The following DPP10 variants were observed in gnomAD, a reference collection of about 807,000 sequenced individuals.
DPP10 encodes dipeptidyl peptidase like 10, also known as inactive dipeptidyl peptidase 10.
A neutral mutation model predicts 120.9 loss-of-function variants in DPP10; 33 were observed. The observed-to-expected ratio is 0.27, with a 90% CI of 0.21 to 0.37. The LOEUF (loss-of-function observed/expected upper bound fraction) is 0.37. Among genes scored for constraint, DPP10 ranks in the 10% least tolerant of loss-of-function variants. The pLI is 1.00. For missense variants in DPP10, 816 were observed against 942.8 expected (o/e 0.87, Z 1.76); for synonymous variants, 337 against 326.1 (o/e 1.03, Z -0.36).
At chr2:115,815,792 A>G in intron 21 of DPP10, 63 bp downstream of exon 21, 1 of 1,486,994 alleles carries the variant, frequency 6.7e-7, no homozygotes, top group East Asian at 2.3e-5. Flanking sequence ...ATATCCTATT[A>G]CACATTCACA....
chr2:115,232,860 G>C (rs2057805030), intron 1 of DPP10, among the ~76,000 whole-genome samples: 1 of 152,106 alleles, frequency 6.6e-6, no homozygotes. Flanking sequence ...TTCTGTGTAT[G>C]TTATTATTAT....
chr2:114,996,421 C>T (rs904528009), intron 1 of DPP10, among the ~76,000 whole-genome samples: 38 of 152,108 alleles, frequency 2.5e-4, no homozygotes, highest in African/African-American at 9.2e-4. Context: ...CAAATACTAA[C>T]CCAGACATTT....
At chr2:115,660,745 G>C (rs949891983) in intron 5 of DPP10, among the ~76,000 whole-genome samples, 8 of 117,194 alleles carry the variant, frequency 6.8e-5, no homozygotes, top group Non-Finnish European at 1.2e-4. Context: ...GTTTTGCTTT[G>C]CTCTGATCAT....
chr2:115,282,604 C>T (rs933443778), intron 1 of DPP10, among the ~76,000 whole-genome samples: 1 of 152,058 alleles, frequency 6.6e-6, no homozygotes, highest in African/African-American at 2.4e-5. Flanking sequence ...AGCAGTTTTG[C>T]TCCTCAGAGG....
chr2:115,803,510 C>G (rs1433662362), intron 19 of DPP10, among the ~76,000 whole-genome samples: 2 of 152,160 alleles, frequency 1.3e-5, no homozygotes, highest in Non-Finnish European at 2.9e-5. Context: ...TTAGTTGATG[C>G]AGTTTCTTCC....
chr2:115,732,853 C>T (rs2092944320), intron 8 of DPP10, among the ~76,000 whole-genome samples: 1 of 152,084 alleles, frequency 6.6e-6, no homozygotes, highest in African/African-American at 2.4e-5. Context: ...GCAAATATAC[C>T]TGCCAGGCAT....
chr2:115,833,562 A>G (rs1689145513), intron 21 of DPP10, among the ~76,000 whole-genome samples: 4 of 152,196 alleles, frequency 2.6e-5, no homozygotes, highest in African/African-American at 9.6e-5. Context: ...GAAATTTGAA[A>G]TGCTCCAAAT....
At chr2:114,558,382 G>C (rs907189821) in intron 1 of DPP10, among the ~76,000 whole-genome samples, 2 of 152,140 alleles carry the variant, frequency 1.3e-5, no homozygotes, top group African/African-American at 4.8e-5. Flanking sequence ...CAGTGCCTTT[G>C]CACTTTCTGC....
chr2:114,587,972 C>T (rs951903678), intron 1 of DPP10, among the ~76,000 whole-genome samples: 2 of 152,296 alleles, frequency 1.3e-5, no homozygotes, highest in Non-Finnish European at 2.9e-5. Flanking sequence ...CAAAATGAAG[C>T]AACATTTACT....
At position 115,592,661 on chromosome 2, in the gene DPP10, C is replaced by G. The variant is rs1417554788; in HGVS notation, c.441+66689C>G. The stretch of plus-strand genomic sequence containing the variant: ...GTCCCAGCTACTAGCGAGGCTGAGG[C>G]CAGAGAATCGCTTGAACCCAGGAGG... On this transcript the variant is annotated intron_variant, in intron 5 of 25. Transcript: ENST00000410059. Among the ~76,000 whole-genome samples the G allele has an allele frequency of 6.6e-5, 10 of 152,002 alleles. No homozygotes were observed. In the East Asian group the frequency reaches 1.9e-3, roughly 29 times the overall value.
At chr2:115,364,625 CTTTTTTTT>C (rs34256845) in intron 3 of DPP10, among the ~76,000 whole-genome samples, 1 of 136,646 alleles carries the variant, frequency 7.3e-6, no homozygotes, top group Non-Finnish European at 1.6e-5. Flanking sequence ...TCCCAGACAT[CTTTTTTTT>C]TTTTTTTTCC....
At chr2:114,911,264 C>T (rs1694348656) in intron 1 of DPP10, among the ~76,000 whole-genome samples, 1 of 152,052 alleles carries the variant, frequency 6.6e-6, no homozygotes, top group South Asian at 2.1e-4. Flanking sequence ...TTGACAAGTA[C>T]TAGCATTCAA....
chr2:114,444,556 C>A (rs1573367981), intron 1 of DPP10, among the ~76,000 whole-genome samples: 1 of 131,524 alleles, frequency 7.6e-6, no homozygotes, highest in South Asian at 2.5e-4. Context: ...GCATTGGCTG[C>A]CCACAAACAA....
intron 1 of DPP10, among the ~76,000 whole-genome samples, chr2:114,451,487 C>T (rs1678271469): frequency 6.6e-6 from 1 of 151,804 alleles, no homozygotes; most frequent in South Asian, 2.1e-4. Flanking sequence ...TTCACAAAAC[C>T]CAAGCCAGAA....
intron 1 of DPP10, among the ~76,000 whole-genome samples, chr2:115,164,173 CAT>C (rs2104995882): frequency 6.6e-6 from 1 of 152,188 alleles, no homozygotes; most frequent in South Asian, 2.1e-4. Context: ...GAAATATACA[CAT>C]GGCACCTCGC....
At chr2:114,815,886 T>G (rs1474818417) in intron 1 of DPP10, among the ~76,000 whole-genome samples, 1 of 143,338 alleles carries the variant, frequency 7.0e-6, no homozygotes, top group Non-Finnish European at 1.5e-5. Context: ...TTCTTAGTTT[T>G]TTTTTTTTTT....
intron 3 of DPP10, among the ~76,000 whole-genome samples, chr2:115,420,441 A>G (rs1182941783): frequency 6.6e-6 from 1 of 152,180 alleles, no homozygotes; most frequent in Non-Finnish European, 1.5e-5. Flanking sequence ...AGAAAGAGCT[A>G]TTTTCACTAT....
intron 3 of DPP10, among the ~76,000 whole-genome samples, chr2:115,493,488 G>A (rs12471467): frequency 0.27 from 40,628 of 150,448 alleles, 6,345 homozygotes; most frequent in East Asian, 0.41. Flanking sequence ...GAAGGTGTGA[G>A]TAGTAAAATA....
At chr2:115,465,359 C>CTA (rs1381062770) in intron 3 of DPP10, among the ~76,000 whole-genome samples, 1 of 151,952 alleles carries the variant, frequency 6.6e-6, no homozygotes, top group African/African-American at 2.4e-5. Context: ...TTTGGAAGTA[C>CTA]TATACTTTAA....
Sources: allele counts gnomAD v4.1 joint callset (sites outside exome capture counted in the v4.1 genomes callset), GRCh38; gene constraint gnomAD v4.1.1; transcripts MANE v1.5; gene names NCBI Gene and HGNC (gene_info 2026-07-23, HGNC 2026-07-21).